Variants in CACNA2D3 observed in about 807,000 individuals in gnomAD.
CACNA2D3 encodes the protein voltage-dependent calcium channel subunit alpha-2/delta-3.
CACNA2D3 carries 60 observed loss-of-function variants against 160.6 expected under a neutral mutation model. The observed-to-expected ratio is 0.37, with a 90% confidence interval of 0.30 to 0.46. CACNA2D3 has a LOEUF of 0.46. Ranked by LOEUF, CACNA2D3 falls within the 20% of genes least tolerant of loss-of-function variation. The pLI is 1.00. For synonymous variants in CACNA2D3, 558 were observed against 492.9 expected (o/e 1.13, Z -1.75); for missense variants, 1,205 against 1,365.0 (o/e 0.88, Z 1.85).
intron 25 of CACNA2D3, among the ~76,000 whole-genome samples, chr3:54,895,599 T>C (rs1335304932): frequency 6.6e-6 from 1 of 152,212 alleles, no homozygotes; most frequent in Non-Finnish European, 1.5e-5. Flanking sequence ...TCCATGGTCC[T>C]TGTGATCCAA....
chr3:54,126,949 G>C (rs75993432), intron 2 of CACNA2D3, among the ~76,000 whole-genome samples: 10,563 of 152,190 alleles, frequency 0.069, 588 homozygotes, highest in African/African-American at 0.15. Context: ...TTTCATTACC[G>C]CTGTATTTTG....
rs1431455276 is a variant in CACNA2D3 at position 54,386,748 on chromosome 3, A to C, written c.355A>C (p.Lys119Gln). Reference protein sequence around the residue: ...LVEAAEEAHLKHEFDADLQYE... With the variant: ...LVEAAEEAHLQHEFDADLQYE... ...GGAGGCTGCAGAAGAAGCACACCTG[A>C]AACATGAATTTGATGCAGACTTACA... Residue 119 changes from lysine (K) to glutamine (Q), a missense_variant, in exon 4 of 38, where the codon AAA (lysine) becomes CAA (glutamine). Around this residue, in one of 3 missense-constraint regions of CACNA2D3, gnomAD observed 163 missense variants for 161.3 expected, o/e 1.01. Coordinates refer to ENST00000474759, the MANE Select transcript of CACNA2D3 (RefSeq NM_018398.3). 1 of 1,587,444 alleles carries C rather than the reference A, an allele frequency of 6.3e-7. No homozygotes were observed. The highest frequency in any genetic ancestry group is 1.8e-5 in the Admixed American group (1 of 56,892).
chr3:54,583,809 A>G (rs1029009279), intron 9 of CACNA2D3, among the ~76,000 whole-genome samples: 5 of 152,254 alleles, frequency 3.3e-5, no homozygotes, highest in Admixed American at 6.5e-5. Flanking sequence ...GGTCTTAAAG[A>G]CAAAAGGGAA....
chr3:54,301,902 A>G (rs1051015933), intron 2 of CACNA2D3, among the ~76,000 whole-genome samples: 1 of 152,200 alleles, frequency 6.6e-6, no homozygotes, highest in African/African-American at 2.4e-5. Flanking sequence ...ATTGTTTAAG[A>G]TACCTTATGT....
At chr3:54,910,311 G>C (rs1477464340) in intron 27 of CACNA2D3, among the ~76,000 whole-genome samples, 3 of 152,104 alleles carry the variant, frequency 2.0e-5, no homozygotes, top group Non-Finnish European at 4.4e-5. Context: ...AAAGTATTCT[G>C]TTACATTATT....
intron 35 of CACNA2D3, among the ~76,000 whole-genome samples, chr3:55,026,991 G>GCACACA (rs57849063): frequency 0.05 from 7,487 of 151,004 alleles, 597 homozygotes; most frequent in African/African-American, 0.17. Context: ...GCGCATGCAC[G>GCACACA]CACACACACA....
At chr3:54,154,466 T>C (rs1315492236) in intron 2 of CACNA2D3, among the ~76,000 whole-genome samples, 1 of 152,228 alleles carries the variant, frequency 6.6e-6, no homozygotes, top group Non-Finnish European at 1.5e-5. Context: ...TTTAAAATTG[T>C]GGGCTTTACT....
intron 36 of CACNA2D3, 92 bp from the exon 37 acceptor site, chr3:55,073,680 GAGAGT>G: frequency 1.6e-6 from 2 of 1,245,548 alleles, no homozygotes; most frequent in Non-Finnish European, 2.3e-6. Flanking sequence ...GTTGGAGAGA[GAGAGT>G]AGTTAAGAGA....
chr3:54,945,277 G>A (rs2106998152), intron 27 of CACNA2D3, among the ~76,000 whole-genome samples: 1 of 152,284 alleles, frequency 6.6e-6, no homozygotes, highest in East Asian at 1.9e-4. Flanking sequence ...TGCTAGTATT[G>A]TGCCCTCCAG....
chr3:54,971,053 G>A (rs963267915), intron 29 of CACNA2D3, among the ~76,000 whole-genome samples: 3 of 151,962 alleles, frequency 2.0e-5, no homozygotes, highest in Admixed American at 6.6e-5. Context: ...CAAAATGCTC[G>A]GTCCCAGAGG....
chr3:54,466,626 A>G (rs1438343000), intron 4 of CACNA2D3, among the ~76,000 whole-genome samples: 1 of 152,214 alleles, frequency 6.6e-6, no homozygotes, highest in African/African-American at 2.4e-5. Flanking sequence ...CTTTTTTAAA[A>G]AAGAAAAATG....
At chr3:54,774,856 G>A (rs1019321854) in intron 13 of CACNA2D3, among the ~76,000 whole-genome samples, 17 of 151,702 alleles carry the variant, frequency 1.1e-4, no homozygotes, top group Admixed American at 2.0e-4. Flanking sequence ...GGCTGGTCTC[G>A]AACTCCTGAC....
intron 2 of CACNA2D3, among the ~76,000 whole-genome samples, chr3:54,256,310 G>A (rs1702292638): frequency 6.6e-6 from 1 of 152,104 alleles, no homozygotes; most frequent in African/African-American, 2.4e-5. Context: ...TCCATTATTG[G>A]AATGCTAAGC....
At chr3:54,298,236 G>A (rs78132996) in intron 2 of CACNA2D3, among the ~76,000 whole-genome samples, 3,479 of 152,248 alleles carry the variant, frequency 0.023, 130 homozygotes, top group African/African-American at 0.078. Flanking sequence ...ACCTCTACAC[G>A]AAAGAATTGG....
At chr3:54,394,551 T>C (rs1429867017) in intron 4 of CACNA2D3, among the ~76,000 whole-genome samples, 1 of 124,186 alleles carries the variant, frequency 8.1e-6, no homozygotes, top group Non-Finnish European at 1.7e-5. Flanking sequence ...TTCCCACCTA[T>C]GAGTGAGAAT....
At chr3:54,297,132 C>A (rs975937757) in intron 2 of CACNA2D3, among the ~76,000 whole-genome samples, 1 of 152,200 alleles carries the variant, frequency 6.6e-6, no homozygotes, top group African/African-American at 2.4e-5. Context: ...TTAAATCTTT[C>A]CCTTCTACAA....
intron 4 of CACNA2D3, among the ~76,000 whole-genome samples, chr3:54,444,455 C>A (rs1700190427): frequency 6.6e-6 from 1 of 152,136 alleles, no homozygotes; most frequent in South Asian, 2.1e-4. Context: ...TGCTTGCAAC[C>A]AAAGAACCCT....
At chr3:54,936,710 C>T (rs1256659557) in intron 27 of CACNA2D3, among the ~76,000 whole-genome samples, 1 of 152,146 alleles carries the variant, frequency 6.6e-6, no homozygotes, top group Non-Finnish European at 1.5e-5. Flanking sequence ...TAGTAGGAGG[C>T]CCTCTTTCCC....
At chr3:54,557,773 C>G (rs990443111) in intron 5 of CACNA2D3, among the ~76,000 whole-genome samples, 1 of 152,176 alleles carries the variant, frequency 6.6e-6, no homozygotes, top group Non-Finnish European at 1.5e-5. Context: ...TTTCCAGGAT[C>G]GTGAGGATAA....
Sources: gnomAD v4.1 joint callset for allele counts (sites outside exome capture counted in the v4.1 genomes callset) on GRCh38, gnomAD v4.1.1 for gene constraint, gnomAD v4.1.1 regional missense constraint, MANE v1.5 for transcripts, NCBI Gene and HGNC (gene_info 2026-07-23, HGNC 2026-07-21) for gene names.